The following CADPS variants were observed in gnomAD, a reference collection of about 807,000 sequenced individuals.
CADPS encodes calcium dependent secretion activator, also known as calcium-dependent secretion activator 1.
In CADPS, 57 loss-of-function variants were observed where a neutral mutation model predicts 167.3. The observed-to-expected ratio is 0.34, with a 90% CI of 0.28 to 0.42. CADPS has a LOEUF of 0.42. Among genes scored for constraint, CADPS ranks in the 20% least tolerant of loss-of-function variants. The pLI is 1.00. For missense variants in CADPS, 1,414 were observed against 1,738.1 expected (o/e 0.81, Z 3.32); for synonymous variants, 676 against 635.3 (o/e 1.06, Z -0.96).
chr3:62,522,836 G>C (rs1156515381), intron 13 of CADPS, among the ~76,000 whole-genome samples: 3 of 152,112 alleles, frequency 2.0e-5, no homozygotes, highest in Admixed American at 2.0e-4. Flanking sequence ...GCAAACTTGA[G>C]ACAATATGCA....
intron 26 of CADPS, among the ~76,000 whole-genome samples, chr3:62,452,738 A>G (rs2058229169): frequency 6.6e-6 from 1 of 152,184 alleles, no homozygotes; most frequent in African/African-American, 2.4e-5. Context: ...AGAGTGGAGG[A>G]GAAGTGGATG....
In CADPS at chr3:62,753,314, T is replaced by G. The variant is rs959873446; in HGVS notation, c.888+127A>C. 2.3e-5 allele frequency: 16 copies of G among 684,838 alleles called. No homozygotes were observed. The African/African-American group carries it at 2.7e-4, about 12-fold the overall frequency. 42.4% of individuals were successfully genotyped at this position (684,838 alleles called of 1,614,324 possible). The stretch of plus-strand genomic sequence containing the variant: ...ACTCCAGCCTAAACTGTATTCAACT[T>G]TTTACCAGTAGAGTAATAAAATATA... On this transcript the variant is annotated intron_variant, in intron 3 of 29. Transcript: ENST00000383710. This position sits in a 1 kb window ranked among gnomAD's most constrained non-coding sequence, Gnocchi z 4.6.
At chr3:62,830,229 T>C (rs1166730093) in intron 1 of CADPS, among the ~76,000 whole-genome samples, 1 of 152,188 alleles carries the variant, frequency 6.6e-6, no homozygotes, top group African/African-American at 2.4e-5. Flanking sequence ...ATCCAACTAG[T>C]GCTCATCTTT....
intron 13 of CADPS, among the ~76,000 whole-genome samples, chr3:62,531,218 C>T (rs1220220831): frequency 1.1e-5 from 1 of 89,896 alleles, no homozygotes; most frequent in Non-Finnish European, 2.5e-5. Context: ...GAATATAATG[C>T]AACTTCTCTC....
At chr3:62,803,332 CTTTT>C (rs57928697) in intron 1 of CADPS, among the ~76,000 whole-genome samples, 92 of 139,630 alleles carry the variant, frequency 6.6e-4, no homozygotes, top group South Asian at 1.2e-3. Flanking sequence ...GAGATGCTTC[CTTTT>C]TTTTTTTTTT....
At chr3:62,789,784 T>C (rs2092775083) in intron 1 of CADPS, among the ~76,000 whole-genome samples, 1 of 152,198 alleles carries the variant, frequency 6.6e-6, no homozygotes, top group Non-Finnish European at 1.5e-5. Flanking sequence ...ATGTGAATAA[T>C]AACTCCAAAG....
chr3:62,575,176 G>C (rs959112987), intron 8 of CADPS, among the ~76,000 whole-genome samples: 3 of 152,162 alleles, frequency 2.0e-5, no homozygotes, highest in Non-Finnish European at 4.4e-5. Context: ...CATAAGACAT[G>C]AGAATAAAAG....
chr3:62,836,564 G>T (rs747679291), intron 1 of CADPS, among the ~76,000 whole-genome samples: 1 of 152,162 alleles, frequency 6.6e-6, no homozygotes, highest in African/African-American at 2.4e-5. Flanking sequence ...CCGTGTGTGT[G>T]TGTCTCTACA....
chr3:62,828,737 AATT>A (rs143609109), intron 1 of CADPS, among the ~76,000 whole-genome samples: 1,863 of 152,294 alleles, frequency 0.012, 35 homozygotes, highest in African/African-American at 0.042. Context: ...GATTTAAAAA[AATT>A]ATCTTCGACT....
intron 11 of CADPS, among the ~76,000 whole-genome samples, chr3:62,537,899 A>T (rs1190324895): frequency 2.0e-5 from 3 of 151,976 alleles, no homozygotes; most frequent in Non-Finnish European, 4.4e-5. Context: ...TTATTGTTTG[A>T]CTTTTTTAAA....
At chr3:62,613,446 T>A (rs1358742303) in intron 6 of CADPS, among the ~76,000 whole-genome samples, 1 of 152,212 alleles carries the variant, frequency 6.6e-6, no homozygotes, top group East Asian at 1.9e-4. Flanking sequence ...CAGAAAACGT[T>A]GGCTTGAACA....
chr3:62,606,764 T>C (rs1172305595), intron 6 of CADPS, among the ~76,000 whole-genome samples: 1 of 152,212 alleles, frequency 6.6e-6, no homozygotes, highest in Non-Finnish European at 1.5e-5. Flanking sequence ...GGTTGAGCTT[T>C]TTCTCCTGTG....
At chr3:62,505,076 TG>T in intron 17 of CADPS, among the ~76,000 whole-genome samples, 1 of 152,058 alleles carries the variant, frequency 6.6e-6, no homozygotes, top group East Asian at 1.9e-4. Flanking sequence ...GATCTGGGGG[TG>T]GGGGTAGATA....
intron 3 of CADPS, among the ~76,000 whole-genome samples, chr3:62,708,675 A>T (rs980422750): frequency 6.6e-6 from 1 of 152,034 alleles, no homozygotes; most frequent in Non-Finnish European, 1.5e-5. Context: ...TCTCCTTCCC[A>T]GTCTTTATTA....
chr3:62,578,459 A>G (rs1049637565), intron 8 of CADPS, among the ~76,000 whole-genome samples: 3 of 151,762 alleles, frequency 2.0e-5, no homozygotes, highest in African/African-American at 7.3e-5. Context: ...AAATACAAAA[A>G]ATTAGCTGGG....
At chr3:62,834,373 C>G (rs2075595834) in intron 1 of CADPS, among the ~76,000 whole-genome samples, 1 of 152,140 alleles carries the variant, frequency 6.6e-6, no homozygotes, top group African/African-American at 2.4e-5. Flanking sequence ...GAACTCCTCA[C>G]TGCTTATAGA....
intron 1 of CADPS, among the ~76,000 whole-genome samples, chr3:62,839,235 C>T (rs576745292): frequency 3.5e-4 from 53 of 152,102 alleles, no homozygotes; most frequent in Non-Finnish European, 6.5e-4. Context: ...TGCTCGGTCA[C>T]CCAGGTTGGA....
At chr3:62,650,199 A>T (rs2150177314) in intron 5 of CADPS, among the ~76,000 whole-genome samples, 1 of 152,316 alleles carries the variant, frequency 6.6e-6, no homozygotes, top group Middle Eastern at 3.4e-3. Flanking sequence ...CATCCCCTCG[A>T]GATCCTAGCT....
chr3:62,561,646 G>A (rs940441552), intron 9 of CADPS, among the ~76,000 whole-genome samples: 3 of 152,032 alleles, frequency 2.0e-5, no homozygotes, highest in African/African-American at 7.2e-5. Context: ...CTCTAAGATT[G>A]CCCTTGAGTT....
Sources: allele counts gnomAD v4.1 joint callset (sites outside exome capture counted in the v4.1 genomes callset), GRCh38; gene constraint gnomAD v4.1.1; non-coding constraint Gnocchi (gnomAD v3.1); transcripts MANE v1.5; gene names NCBI Gene and HGNC (gene_info 2026-07-23, HGNC 2026-07-21).